Variants in FAIM observed in about 807,000 individuals in gnomAD.
FAIM encodes Fas apoptotic inhibitory molecule, also known as fas apoptotic inhibitory molecule 1.
In FAIM, 14 loss-of-function variants were observed where a neutral mutation model predicts 21.2. The ratio of observed to expected loss-of-function variants is 0.66; its 90% CI spans 0.44 to 1.03. The LOEUF is 1.03. Among genes scored for constraint, FAIM ranks in the 50% least tolerant of loss-of-function variants. FAIM has a pLI of 0.00. For missense variants in FAIM, 222 were observed against 247.1 expected, an observed-to-expected ratio of 0.90 and a Z score of 0.68; for synonymous variants, 86 against 80.4, an observed-to-expected ratio of 1.07 and a Z score of -0.37.
intron 5 of FAIM, chr3:138,631,253 A>AT (rs1016971589): frequency 3.7e-4 from 55 of 148,262 alleles, no homozygotes; most frequent in African/African-American, 1.1e-3. Flanking sequence ...ATCTCTATAA[A>AT]TTTTTTTTTT....
chr3:138,629,189 T>C, intron 5 of FAIM, 33 bp downstream of exon 5: 2 of 1,532,596 alleles, frequency 1.3e-6, no homozygotes, highest in Non-Finnish European at 1.8e-6. Flanking sequence ...CTAAGTGCCA[T>C]GTGTCTCAGT....
chr3:138,617,768 A>G (rs2042842884), intron 1 of FAIM, among the ~76,000 whole-genome samples: 1 of 144,838 alleles, frequency 6.9e-6, no homozygotes, highest in South Asian at 2.1e-4. Context: ...TGTATATAGT[A>G]TCTACTATAT....
At chr3:138,631,472 A>C (rs1164589394) in intron 5 of FAIM, among the ~76,000 whole-genome samples, 2 of 151,868 alleles carry the variant, frequency 1.3e-5, no homozygotes, top group Non-Finnish European at 2.9e-5. Context: ...ATATTCATCC[A>C]CATGTCTTTG....
chr3:138,613,158 A>G (rs1231542035), intron 1 of FAIM, among the ~76,000 whole-genome samples: 1 of 151,760 alleles, frequency 6.6e-6, no homozygotes, highest in East Asian at 1.9e-4. Context: ...AGCTGGGATT[A>G]CAGGTGCCTG....
chr3:138,629,084 A>C, intron 4 of FAIM, 23 bp from the exon 5 acceptor site: 1 of 1,570,024 alleles, frequency 6.4e-7, no homozygotes, highest in Non-Finnish European at 8.7e-7. Context: ...TTATAACTTA[A>C]AGTTTTTATG....
chr3:138,629,986 T>C (rs1364110812), intron 5 of FAIM: 1 of 151,776 alleles, frequency 6.6e-6, no homozygotes, highest in Non-Finnish European at 1.5e-5. Flanking sequence ...AAACAGAAAG[T>C]GTGGGACTAG....
At chr3:138,626,448 C>T (rs1467167548) in intron 4 of FAIM, among the ~76,000 whole-genome samples, 1 of 152,216 alleles carries the variant, frequency 6.6e-6, no homozygotes, top group African/African-American at 2.4e-5. Flanking sequence ...CACATATTCT[C>T]TCTTACCACA....
At chr3:138,622,077 G>A (rs2042893388) in intron 3 of FAIM, 111 bp from the exon 4 acceptor site, 1 of 922,228 alleles carries the variant, frequency 1.1e-6, no homozygotes, top group Middle Eastern at 3.5e-4. Context: ...ACCACTCCCG[G>A]CAATGAAATT....
intron 4 of FAIM, among the ~76,000 whole-genome samples, chr3:138,627,172 G>A (rs1399377166): frequency 6.6e-6 from 1 of 150,942 alleles, no homozygotes; most frequent in Non-Finnish European, 1.5e-5. Context: ...ATTGTGCTGT[G>A]GCTTTTTTAC....
intron 1 of FAIM, among the ~76,000 whole-genome samples, chr3:138,614,607 C>A (rs1341229455): frequency 6.6e-6 from 1 of 152,100 alleles, no homozygotes; most frequent in African/African-American, 2.4e-5. Context: ...ACAAATAGAG[C>A]ATAGCTGCTG....
chr3:138,624,016 G>A (rs1266255822), intron 4 of FAIM, among the ~76,000 whole-genome samples: 1 of 152,028 alleles, frequency 6.6e-6, no homozygotes, highest in Non-Finnish European at 1.5e-5. Flanking sequence ...GAAAAGTTTT[G>A]TGCCAATCTG....
In FAIM at chr3:138,621,393, T is replaced by G. The variant is rs753808146; in HGVS notation, c.45-14T>G. On this transcript the variant is annotated splice_polypyrimidine_tract_variant and intron_variant, in intron 2 of 5. Coordinates refer to ENST00000360570, the MANE Select transcript of FAIM (RefSeq NM_001033031.2). ...ATTTTGGCCTACTATAATTGCTTTA[T>G]TTTATTCCTTTAGCCCTCCTTACAG... is the stretch of plus-strand genomic sequence containing the variant. The G allele has an allele frequency of 7.4e-6, 12 of 1,612,736 alleles. No individual in the cohort carries two copies. The highest frequency in any genetic ancestry group is 1.7e-6 in the Non-Finnish European group (2 of 1,179,608).
chr3:138,629,017 C>G, intron 4 of FAIM, 90 bp from the exon 5 acceptor site: 1 of 972,718 alleles, frequency 1.0e-6, no homozygotes, highest in Non-Finnish European at 1.5e-6. Context: ...TCTGGTATAT[C>G]AATCCTTTCC....
chr3:138,619,762 T>C lies in FAIM; in HGVS notation c.36T>C (p.Asp12=). The change falls in exon 2 of 6, where the codon GAT becomes GAC. Residue 12 remains aspartate (D), a synonymous_variant. Transcript: ENST00000360570. ...GAGATGACAGTCCTATCTTTGAAGA[T>C]GATGAAAGGTAAATGTCTTATATTG... The part of the protein sequence containing the change: ...ASGDDSPIFE[D]DESPPYSLEK... 1 of 1,613,602 alleles carries C rather than the reference T, an allele frequency of 6.2e-7. No individual in the cohort carries two copies. The highest frequency in any genetic ancestry group is 8.5e-7 in the Non-Finnish European group (1 of 1,179,744).
intron 4 of FAIM, among the ~76,000 whole-genome samples, chr3:138,623,404 C>T (rs568303069): frequency 6.6e-6 from 1 of 152,256 alleles, no homozygotes; most frequent in Non-Finnish European, 1.5e-5. Context: ...CTTTGTCGCC[C>T]AGGCTGGAAT....
At chr3:138,624,030 C>A (rs963350479) in intron 4 of FAIM, among the ~76,000 whole-genome samples, 2 of 152,146 alleles carry the variant, frequency 1.3e-5, no homozygotes, top group African/African-American at 2.4e-5. Flanking sequence ...CAATCTGAAT[C>A]TCATTTTTTT....
At chr3:138,625,386 C>T (rs948423983) in intron 4 of FAIM, among the ~76,000 whole-genome samples, 1 of 151,896 alleles carries the variant, frequency 6.6e-6, no homozygotes, top group African/African-American at 2.4e-5. Context: ...TTGCTTGAGC[C>T]TGGGAGGCGG....
Position 138,621,556 on chromosome 3 carries a change from T to A in FAIM, c.177+17T>A, listed in dbSNP as rs748703482. The A allele has an allele frequency of 6.2e-7, 1 of 1,606,298 alleles. No individual in the cohort carries two copies. Among genetic ancestry groups the A allele is most frequent in the Non-Finnish European group, 8.5e-7 (1 of 1,176,380 alleles). On this transcript the variant is annotated intron_variant, in intron 3 of 5. Transcript: ENST00000360570. The stretch of plus-strand genomic sequence containing the variant: ...GATGGAAAGGTAGGAAGAAAATATG[T>A]TACTTTGTAAAATATGATATATAGA...
rs192157951 is a variant in FAIM at position 138,624,906 on chromosome 3, C to G, written c.406+2490C>G. On this transcript the variant is annotated intron_variant, in intron 4 of 5. Coordinates refer to ENST00000360570, the MANE Select transcript of FAIM (RefSeq NM_001033031.2). Reference sequence around the variant, plus strand: ...GTCAGCCAGGTGCAGTGGCTCACACCTGTAATCCCAGCACTTTGGGAGGCT... The same window carrying G: ...GTCAGCCAGGTGCAGTGGCTCACACGTGTAATCCCAGCACTTTGGGAGGCT... 6.9e-3 allele frequency among the ~76,000 whole-genome samples: 1,052 copies of G among 152,324 alleles called. 12 individuals carry two copies. Among genetic ancestry groups the G allele is most frequent in the African/African-American group, 0.024 (1,014 of 41,568 alleles).
Sources: gnomAD v4.1 joint callset for allele counts (sites outside exome capture counted in the v4.1 genomes callset) on GRCh38, gnomAD v4.1.1 for gene constraint, MANE v1.5 for transcripts, NCBI Gene and HGNC (gene_info 2026-07-23, HGNC 2026-07-21) for gene names.